The following VPS13B variants were observed in gnomAD, a reference collection of about 807,000 sequenced individuals.
The protein encoded by VPS13B is intermembrane lipid transfer protein VPS13B.
In VPS13B, 285 loss-of-function variants were observed where a neutral mutation model predicts 426.4. The ratio of observed to expected loss-of-function variants is 0.67; its 90% CI spans 0.61 to 0.74. The LOEUF is 0.74. VPS13B is among the 30% of genes least tolerant of loss of function. The probability of loss-of-function intolerance (pLI) is 0.00; values close to 1 mark genes in which losing one functional copy is unlikely to be tolerated. For missense variants in VPS13B, 4,537 were observed against 4,782.6 expected (o/e 0.95, Z 1.51); for synonymous variants, 1,676 against 1,676.4 (o/e 1.00, Z 0.01).
intron 20 of VPS13B, 99 bp downstream of exon 20, chr8:99,384,416 G>T: frequency 1.0e-6 from 1 of 1,004,622 alleles, no homozygotes; most frequent in East Asian, 2.6e-5. Context: ...TTTAACAAAT[G>T]TACTAGATTT....
At chr8:99,191,388 T>C (rs988424234) in intron 16 of VPS13B, among the ~76,000 whole-genome samples, 3 of 137,890 alleles carry the variant, frequency 2.2e-5, no homozygotes, top group African/African-American at 8.1e-5. Context: ...TTTTTTTTTT[T>C]TTTTTTTTTT....
chr8:99,464,098 T>A (rs1563744667), intron 23 of VPS13B, among the ~76,000 whole-genome samples: 1 of 152,214 alleles, frequency 6.6e-6, no homozygotes, highest in Non-Finnish European at 1.5e-5. Flanking sequence ...TCTCGAGTGT[T>A]ATACTCACAA....
At chr8:99,777,817 T>C (rs541346911) in intron 41 of VPS13B, among the ~76,000 whole-genome samples, 1 of 152,334 alleles carries the variant, frequency 6.6e-6, no homozygotes, top group African/African-American at 2.4e-5. Flanking sequence ...ACTAATGTTA[T>C]TTGAACAATT....
chr8:99,577,385 T>C, intron 32 of VPS13B, 105 bp from the exon 33 acceptor site: 2 of 1,515,172 alleles, frequency 1.3e-6, no homozygotes, highest in South Asian at 2.3e-5. Flanking sequence ...ACTTGAGTCC[T>C]AGGAAATGTC....
chr8:99,018,679 A>G (rs1162107226), intron 2 of VPS13B, among the ~76,000 whole-genome samples: 1 of 152,146 alleles, frequency 6.6e-6, no homozygotes, highest in Non-Finnish European at 1.5e-5. Context: ...TTTTGTTTCT[A>G]ATTTCAGTGG....
At chr8:99,491,510 G>C (rs1392482535) in intron 25 of VPS13B, among the ~76,000 whole-genome samples, 1 of 152,120 alleles carries the variant, frequency 6.6e-6, no homozygotes, top group Non-Finnish European at 1.5e-5. Flanking sequence ...ATCAAACATA[G>C]ATTTGGTCTT....
chr8:99,327,058 C>T (rs905865578), intron 19 of VPS13B, among the ~76,000 whole-genome samples: 2 of 152,194 alleles, frequency 1.3e-5, no homozygotes, highest in African/African-American at 4.8e-5. Context: ...TTATGAGTTT[C>T]TTCCTATTTC....
At chr8:99,453,061 A>G (rs1818275581) in intron 23 of VPS13B, among the ~76,000 whole-genome samples, 1 of 152,246 alleles carries the variant, frequency 6.6e-6, no homozygotes, top group South Asian at 2.1e-4. Flanking sequence ...TATTGAGATC[A>G]TTTATAAATT....
intron 2 of VPS13B, among the ~76,000 whole-genome samples, chr8:99,017,617 G>A (rs1474352210): frequency 2.0e-5 from 3 of 151,606 alleles, no homozygotes; most frequent in African/African-American, 4.8e-5. Flanking sequence ...TGCAGCCTCC[G>A]TAGTAGCTGG....
At chr8:99,096,533 A>T in intron 4 of VPS13B, 101 bp downstream of exon 4, 1 of 1,524,248 alleles carries the variant, frequency 6.6e-7, no homozygotes, top group South Asian at 1.2e-5. Context: ...AGGCGGGTGG[A>T]TTACTTGAGG....
intron 19 of VPS13B, among the ~76,000 whole-genome samples, chr8:99,285,894 T>C (rs958816283): frequency 5.9e-5 from 9 of 152,208 alleles, no homozygotes; most frequent in Non-Finnish European, 1.2e-4. Context: ...GTCATTCTTA[T>C]ACCATTGCAT....
At chr8:99,680,553 A>G (rs1441341032) in intron 35 of VPS13B, among the ~76,000 whole-genome samples, 2 of 152,170 alleles carry the variant, frequency 1.3e-5, no homozygotes, top group African/African-American at 2.4e-5. Context: ...GGTAATTAGG[A>G]TCTAATAATT....
intron 19 of VPS13B, among the ~76,000 whole-genome samples, chr8:99,328,969 C>A (rs1374941694): frequency 6.6e-6 from 1 of 152,094 alleles, no homozygotes; most frequent in Non-Finnish European, 1.5e-5. Context: ...CTCTCCTCCC[C>A]CTAGTTATTA....
At chr8:99,060,745 T>C (rs1436233429) in intron 3 of VPS13B, among the ~76,000 whole-genome samples, 2 of 152,192 alleles carry the variant, frequency 1.3e-5, no homozygotes, top group Non-Finnish European at 2.9e-5. Context: ...TTTTAACTTA[T>C]TGAGGATGTT....
At chr8:99,543,139 G>T (rs1315913643) in intron 30 of VPS13B, among the ~76,000 whole-genome samples, 1 of 151,836 alleles carries the variant, frequency 6.6e-6, no homozygotes, top group Non-Finnish European at 1.5e-5. Context: ...ACAAAACAGG[G>T]CCCTCAGAAA....
At chr8:99,251,374 G>A (rs1043207409) in intron 17 of VPS13B, among the ~76,000 whole-genome samples, 6 of 151,904 alleles carry the variant, frequency 3.9e-5, no homozygotes, top group African/African-American at 1.5e-4. Context: ...AATCCTGAGA[G>A]GGTGTTGAAT....
intron 3 of VPS13B, among the ~76,000 whole-genome samples, chr8:99,061,613 C>G (rs953408511): frequency 2.0e-5 from 3 of 151,494 alleles, no homozygotes; most frequent in East Asian, 1.9e-4. Context: ...TCTATTTTCT[C>G]TTCATTATTA....
At chr8:99,305,356 A>G (rs1297735842) in intron 19 of VPS13B, among the ~76,000 whole-genome samples, 4 of 152,186 alleles carry the variant, frequency 2.6e-5, no homozygotes, top group African/African-American at 7.2e-5. Context: ...AACTGTTTAC[A>G]TGACATTTAC....
chr8:99,351,972 G>T (rs1214056418), intron 19 of VPS13B, among the ~76,000 whole-genome samples: 1 of 152,106 alleles, frequency 6.6e-6, no homozygotes, highest in East Asian at 1.9e-4. Flanking sequence ...AGGGATGAAA[G>T]TACTCTCGGG....
Sources: allele counts gnomAD v4.1 joint callset (sites outside exome capture counted in the v4.1 genomes callset), GRCh38; gene constraint gnomAD v4.1.1; transcripts MANE v1.5; gene names NCBI Gene and HGNC (gene_info 2026-07-23, HGNC 2026-07-21).